The following SKIC3 variants were observed in gnomAD, a reference collection of about 807,000 sequenced individuals.
The protein encoded by SKIC3 is superkiller complex protein 3.
the SKIC3 span, among the ~76,000 whole-genome samples, chr5:95,510,585 G>A: frequency 6.6e-6 from 1 of 152,122 alleles, no homozygotes; most frequent in South Asian, 2.1e-4. Flanking sequence ...TGATCTTGTG[G>A]CCCCCACCCA....
chr5:95,526,498 G>A, the SKIC3 span, among the ~76,000 whole-genome samples: 1 of 151,474 alleles, frequency 6.6e-6, no homozygotes, highest in African/African-American at 2.4e-5. Context: ...GGAGAGACAA[G>A]AGTCTCGCTT....
the SKIC3 span, chr5:95,512,551 G>C: frequency 6.2e-7 from 1 of 1,613,982 alleles, no homozygotes; most frequent in African/African-American, 1.3e-5. Context: ...GTACAGCTCT[G>C]TTTCTCTGTT....
chr5:95,492,622 G>T, the SKIC3 span, among the ~76,000 whole-genome samples: 1 of 76,120 alleles, frequency 1.3e-5, no homozygotes, highest in Non-Finnish European at 2.5e-5. Context: ...GGGCGACAGA[G>T]CGAGACTCCG....
At chr5:95,467,948 C>A in the SKIC3 span, 2 of 1,613,286 alleles carry the variant, frequency 1.2e-6, no homozygotes. Context: ...TTTGGGATAC[C>A]CAGGCTGATA....
chr5:95,542,368 C>A, the SKIC3 span, among the ~76,000 whole-genome samples: 7 of 151,966 alleles, frequency 4.6e-5, no homozygotes, highest in African/African-American at 1.5e-4. Context: ...TGTGAAATGA[C>A]CACCATAATC....
the SKIC3 span, chr5:95,522,419 A>G: frequency 7.4e-7 from 1 of 1,345,752 alleles, no homozygotes; most frequent in Non-Finnish European, 1.0e-6. Context: ...GGCTCCTTCT[A>G]CTTATAAAAG....
chr5:95,513,791 A>AT, the SKIC3 span: 26 of 675,950 alleles, frequency 3.8e-5, no homozygotes, highest in Non-Finnish European at 5.9e-5. Flanking sequence ...TATTGTTATT[A>AT]TTTTAACTAA....
At chr5:95,469,952 T>C in the SKIC3 span, 1 of 1,603,220 alleles carries the variant, frequency 6.2e-7, no homozygotes, top group African/African-American at 1.3e-5. Context: ...AGATTTGGCA[T>C]ATTTATTTGA....
the SKIC3 span, chr5:95,541,850 A>G: frequency 1.8e-4 from 292 of 1,613,172 alleles, 3 homozygotes; most frequent in East Asian, 6.4e-3. Context: ...GGTAAACACC[A>G]GGCAAGTCAT....
the SKIC3 span, chr5:95,482,662 C>T: frequency 6.2e-7 from 1 of 1,611,910 alleles, no homozygotes. Context: ...AGGAACACAT[C>T]AAATAGGTTC....
the SKIC3 span, among the ~76,000 whole-genome samples, chr5:95,494,248 A>C: frequency 6.6e-6 from 1 of 152,174 alleles, no homozygotes; most frequent in East Asian, 1.9e-4. Context: ...CTTAATAATC[A>C]GTAGCCAAAA....
the SKIC3 span, among the ~76,000 whole-genome samples, chr5:95,495,757 T>G: frequency 6.6e-6 from 1 of 152,210 alleles, no homozygotes; most frequent in Non-Finnish European, 1.5e-5. Context: ...GGTTGTTAGA[T>G]GTGCAGAATA....
chr5:95,488,935 C>T, the SKIC3 span, among the ~76,000 whole-genome samples: 2 of 152,052 alleles, frequency 1.3e-5, no homozygotes, highest in Non-Finnish European at 2.9e-5. Flanking sequence ...ATGAATTAAA[C>T]TTTCCATTGA....
the SKIC3 span, chr5:95,490,835 C>G: frequency 1.3e-6 from 2 of 1,584,000 alleles, no homozygotes; most frequent in Non-Finnish European, 1.7e-6. Flanking sequence ...ATGCTGAAGC[C>G]GTTTGTATTC....
At chr5:95,472,934 T>C in the SKIC3 span, among the ~76,000 whole-genome samples, 2 of 152,188 alleles carry the variant, frequency 1.3e-5, no homozygotes, top group South Asian at 4.1e-4. Flanking sequence ...AAGGGGGACA[T>C]GATTTCGTTC....
the SKIC3 span, chr5:95,524,410 T>G: frequency 6.2e-7 from 1 of 1,605,370 alleles, no homozygotes; most frequent in African/African-American, 1.3e-5. Flanking sequence ...TGATTATTAT[T>G]TATGATTTTA....
chr5:95,485,016 A>G, the SKIC3 span, among the ~76,000 whole-genome samples: 1 of 152,338 alleles, frequency 6.6e-6, no homozygotes, highest in African/African-American at 2.4e-5. Flanking sequence ...AGGTTTCTGA[A>G]AAGTTTCATG....
At chr5:95,518,782 T>G in the SKIC3 span, among the ~76,000 whole-genome samples, 2 of 152,072 alleles carry the variant, frequency 1.3e-5, no homozygotes, top group Non-Finnish European at 2.9e-5. Context: ...AGGGTACAGA[T>G]GTCTCTTTGA....
chr5:95,523,678 G>C, the SKIC3 span: 2 of 1,613,472 alleles, frequency 1.2e-6, no homozygotes, highest in Admixed American at 1.7e-5. Flanking sequence ...TCCACACTTA[G>C]GTCAACTGCT....
Sources: gnomAD v4.1 joint callset for allele counts (sites outside exome capture counted in the v4.1 genomes callset) on GRCh38, gnomAD v4.1.1 for gene constraint, MANE v1.5 for transcripts, NCBI Gene and HGNC (gene_info 2026-07-23, HGNC 2026-07-21) for gene names.